Variants in PPP1R13B observed in about 807,000 individuals in gnomAD.
PPP1R13B encodes protein phosphatase 1 regulatory subunit 13B, also known as apoptosis-stimulating of p53 protein 1.
Under a neutral mutation model 119.8 loss-of-function variants are expected in PPP1R13B, and 44 were observed. That is an observed-to-expected ratio of 0.37 (90% CI 0.29 to 0.47). The LOEUF is 0.47. Among genes scored for constraint, PPP1R13B ranks in the 20% least tolerant of loss-of-function variants. The pLI, the probability that PPP1R13B is intolerant of heterozygous loss-of-function variation, is 0.99. For missense variants in PPP1R13B, 1,227 were observed against 1,413.5 expected, an observed-to-expected ratio of 0.87 and a Z score of 2.12; for synonymous variants, 542 against 561.5, an observed-to-expected ratio of 0.97 and a Z score of 0.49.
At chr14:103,798,207 A>G (rs1281115826) in intron 1 of PPP1R13B, among the ~76,000 whole-genome samples, 3 of 140,072 alleles carry the variant, frequency 2.1e-5, no homozygotes, top group Admixed American at 1.5e-4. Context: ...GCTGGAGTGC[A>G]GTGGCGCGAT....
rs1233098807 is a variant in PPP1R13B, at chr14:103,753,072, C to T, written c.756G>A (p.Gly252=). ...TCAATTTGCCATTGTAAGACTGGAACCCATTCAGTTTTCCTTTCTTTAAAT... is the reference window on the plus strand; with the variant it reads ...TCAATTTGCCATTGTAAGACTGGAATCCATTCAGTTTTCCTTTCTTTAAAT... ...LEDLKKGKLN[G]FQSYNGKLTG... is the part of the protein sequence containing the mutation. The change falls in exon 7 of 17, where the codon GGG becomes GGA. Residue 252 remains glycine (G), a synonymous_variant. Coordinates refer to ENST00000202556, the MANE Select transcript of PPP1R13B (RefSeq NM_015316.3). 1 of 1,614,162 alleles carries T rather than the reference C, an allele frequency of 6.2e-7. No individual in the cohort carries two copies. The highest frequency in any genetic ancestry group is 1.3e-5 in the African/African-American group (1 of 75,030).
chr14:103,839,348 C>G (rs928359593), intron 1 of PPP1R13B, among the ~76,000 whole-genome samples: 1 of 151,894 alleles, frequency 6.6e-6, no homozygotes, highest in Non-Finnish European at 1.5e-5. Context: ...AATCTCTCGC[C>G]GGGCACAGTG....
At chr14:103,825,159 T>C (rs1337380571) in intron 1 of PPP1R13B, among the ~76,000 whole-genome samples, 2 of 152,208 alleles carry the variant, frequency 1.3e-5, no homozygotes, top group Non-Finnish European at 2.9e-5. Context: ...AGCACCCACG[T>C]AGAACAGCAA....
At chr14:103,797,579 A>T in intron 1 of PPP1R13B, 61 bp from the exon 2 acceptor site, 1 of 1,392,834 alleles carries the variant, frequency 7.2e-7, no homozygotes, top group Non-Finnish European at 9.9e-7. Flanking sequence ...ATTAATCTGT[A>T]AATTTAAAGT....
chr14:103,832,274 T>C lies in PPP1R13B; in HGVS notation c.9+15025A>G, dbSNP rs74651025. ...AATCTGTCATCTGTAATTGTGACAA[T>C]TGTTGGGATGACTAAGGTCAGGCTG... On this transcript the variant is annotated intron_variant, in intron 1 of 16. Coordinates refer to ENST00000202556, the MANE Select transcript of PPP1R13B (RefSeq NM_015316.3). 4.2e-3 allele frequency among the ~76,000 whole-genome samples: 634 copies of C among 152,218 alleles called. 2 individuals are homozygous for C. Among genetic ancestry groups the C allele is most frequent in the South Asian group, 0.012 (57 of 4,830 alleles).
chr14:103,848,666 G>GTCTGGAGC (rs1299144037), upstream of PPP1R13B, among the ~76,000 whole-genome samples: 1 of 152,252 alleles, frequency 6.6e-6, no homozygotes, highest in Non-Finnish European at 1.5e-5. Flanking sequence ...GTCAGGGTCA[G>GTCTGGAGC]TCTGGAGCCT....
chr14:103,829,772 G>A (rs1195533160), intron 1 of PPP1R13B, among the ~76,000 whole-genome samples: 1 of 151,998 alleles, frequency 6.6e-6, no homozygotes, highest in African/African-American at 2.4e-5. Context: ...CACCACACCT[G>A]GCTAAATATT....
At chr14:103,804,120 T>C (rs1024659379) in intron 1 of PPP1R13B, 1 of 892,458 alleles carries the variant, frequency 1.1e-6, no homozygotes, top group Non-Finnish European at 1.3e-6. Flanking sequence ...AGTTGGAAAA[T>C]ATCATACTAG....
chr14:103,792,609 A>T (rs1458830639), intron 2 of PPP1R13B, among the ~76,000 whole-genome samples: 2 of 152,164 alleles, frequency 1.3e-5, no homozygotes, highest in Non-Finnish European at 2.9e-5. Flanking sequence ...TACAAAAAAT[A>T]AATAAATAAA....
chr14:103,784,676 T>C lies in PPP1R13B; in HGVS notation c.277+119A>G. ...AGTAACATGGGATACCAACTTTCCC[T>C]CTAGCCACTTGTAAGTGCAGGGCCG... On this transcript the variant is annotated intron_variant, in intron 3 of 16. Coordinates refer to ENST00000202556, the MANE Select transcript of PPP1R13B (RefSeq NM_015316.3). 6 of 868,370 alleles carry C rather than the reference T, an allele frequency of 6.9e-6. 1 individual carries two copies. The highest frequency in any genetic ancestry group is 9.1e-6 in the Non-Finnish European group (6 of 656,870). 53.8% of individuals were successfully genotyped at this position (868,370 alleles called of 1,614,324 possible). A position where few individuals can be genotyped will look rare whatever the true frequency, so the allele number is the denominator to read the frequency against.
rs3825550 is a variant in PPP1R13B, at chr14:103,735,212, C to T, written c.3232-17G>A. 109,662 of 1,613,316 alleles carry T rather than the reference C, an allele frequency of 0.068. 4,949 individuals are homozygous for T. The highest frequency in any genetic ancestry group is 0.19 in the Admixed American group (11,599 of 59,970). On this transcript the variant is annotated splice_polypyrimidine_tract_variant and intron_variant, in intron 16 of 16. Transcript: ENST00000202556. The stretch of plus-strand genomic sequence containing the variant: ...TGGATACAGCTGGGAAGCAACGGAG[C>T]CGCGTCAGGACAGGAAGCCACACAC...
chr14:103,819,946 A>C (rs2086367741), intron 1 of PPP1R13B, among the ~76,000 whole-genome samples: 1 of 152,224 alleles, frequency 6.6e-6, no homozygotes, highest in South Asian at 2.1e-4. Context: ...CCAGACCCAC[A>C]GTTACTTGTA....
intron 2 of PPP1R13B, among the ~76,000 whole-genome samples, chr14:103,786,990 G>A (rs530166905): frequency 5.0e-4 from 76 of 150,642 alleles, no homozygotes; most frequent in African/African-American, 1.8e-3. Flanking sequence ...TTACGGGCGT[G>A]AGCCACCATG....
chr14:103,799,688 G>A (rs1185390800), intron 1 of PPP1R13B, among the ~76,000 whole-genome samples: 2 of 151,590 alleles, frequency 1.3e-5, no homozygotes, highest in Admixed American at 6.6e-5. Flanking sequence ...ATATTGGAAG[G>A]AAATTTTTTT....
At chr14:103,777,412 T>G (rs967872881) in intron 4 of PPP1R13B, among the ~76,000 whole-genome samples, 1 of 152,162 alleles carries the variant, frequency 6.6e-6, no homozygotes, top group Non-Finnish European at 1.5e-5. Flanking sequence ...CCACCATCCA[T>G]TGTGTCTGTC....
intron 1 of PPP1R13B, among the ~76,000 whole-genome samples, chr14:103,841,101 C>T (rs2086896449): frequency 6.6e-6 from 1 of 152,102 alleles, no homozygotes; most frequent in African/African-American, 2.4e-5. Flanking sequence ...GCCTGACCAA[C>T]ATGGAGAAAC....
chr14:103,763,582 C>T (rs959127135), intron 4 of PPP1R13B, among the ~76,000 whole-genome samples: 6 of 152,154 alleles, frequency 3.9e-5, no homozygotes, highest in South Asian at 2.1e-4. Flanking sequence ...TAACTTTCAG[C>T]CCTATCCCTA....
chr14:103,839,528 G>C (rs2086855426), intron 1 of PPP1R13B, among the ~76,000 whole-genome samples: 1 of 151,476 alleles, frequency 6.6e-6, no homozygotes, highest in African/African-American at 2.4e-5. Context: ...TCGAGAGGCT[G>C]AGTCAGAAGA....
rs2084388067 is a variant in PPP1R13B at position 103,746,446 on chromosome 14, A to T, written c.1077T>A (p.Pro359=). The change falls in exon 9 of 17, where the codon CCT becomes CCA. Residue 359 remains proline, a synonymous_variant. Coordinates refer to ENST00000202556, the MANE Select transcript of PPP1R13B (RefSeq NM_015316.3). ...YIQVPSAGSF[P]VLGDPIKPQS... ...GGGGCTTTATAGGGTCCCCCAGCAC[A>T]GGAAAGCTTCCGGCACTGGGAACCT... The T allele has an allele frequency of 3.7e-6, 6 of 1,614,168 alleles. No individual in the cohort carries two copies. Among genetic ancestry groups the T allele is most frequent in the Middle Eastern group, 3.3e-4 (2 of 6,062 alleles).
Sources: allele counts gnomAD v4.1 joint callset (sites outside exome capture counted in the v4.1 genomes callset), GRCh38; gene constraint gnomAD v4.1.1; transcripts MANE v1.5; gene names NCBI Gene and HGNC (gene_info 2026-07-23, HGNC 2026-07-21).